Variants in MYO9A observed in about 807,000 individuals in gnomAD.
The protein encoded by MYO9A is myosin IXA, also known as unconventional myosin-IXa.
A neutral mutation model predicts 293.3 loss-of-function variants in MYO9A; 103 were observed. The ratio of observed to expected loss-of-function variants is 0.35; its 90% confidence interval spans 0.30 to 0.41. The LOEUF (loss-of-function observed/expected upper bound fraction) is 0.41. Among genes scored for constraint, MYO9A ranks in the 10% least tolerant of loss-of-function variants. The pLI, the probability that MYO9A is intolerant of heterozygous loss-of-function variation, is 1.00. For synonymous variants in MYO9A, 1,001 were observed against 1,035.7 expected, an observed-to-expected ratio of 0.97 and a Z score of 0.64; for missense variants, 2,685 against 3,033.0, an observed-to-expected ratio of 0.89 and a Z score of 2.69.
chr15:71,914,613 C>T (rs1329009549), intron 19 of MYO9A, among the ~76,000 whole-genome samples: 1 of 152,160 alleles, frequency 6.6e-6, no homozygotes, highest in African/African-American at 2.4e-5. Flanking sequence ...GCCTGGAAAA[C>T]ATACCATACA....
chr15:71,874,136 T>G (rs2056607061), intron 32 of MYO9A, among the ~76,000 whole-genome samples: 1 of 152,140 alleles, frequency 6.6e-6, no homozygotes, highest in African/African-American at 2.4e-5. Flanking sequence ...AGGCAAATAA[T>G]CTATAAAACA....
At chr15:71,835,649 T>C (rs2054910351) in intron 39 of MYO9A, among the ~76,000 whole-genome samples, 1 of 152,088 alleles carries the variant, frequency 6.6e-6, no homozygotes, top group African/African-American at 2.4e-5. Flanking sequence ...AAGAGATATA[T>C]CATGTTCACA....
chr15:71,911,054 C>T (rs1347995758), intron 19 of MYO9A, among the ~76,000 whole-genome samples: 1 of 152,184 alleles, frequency 6.6e-6, no homozygotes, highest in African/African-American at 2.4e-5. Flanking sequence ...CCCCAAAAAA[C>T]TCCCTCCTGC....
rs1163228235 is a variant in MYO9A at position 72,094,384 on chromosome 15, G to T, written c.-72+23296C>A. On this transcript the variant is annotated intron_variant, in intron 1 of 41. Coordinates refer to ENST00000356056, the MANE Select transcript of MYO9A (RefSeq NM_006901.4). Reference sequence around the variant, plus strand: ...GATAGTGATTTTTTAACAAATTAAAGGTTTGTGGCAACCCTGTGTCAAGTA... The same window carrying T: ...GATAGTGATTTTTTAACAAATTAAATGTTTGTGGCAACCCTGTGTCAAGTA... Among the ~76,000 whole-genome samples the T allele has an allele frequency of 2.3e-5, 2 of 86,704 alleles. 1 individual carries two copies. Among genetic ancestry groups the T allele is most frequent in the African/African-American group, 5.5e-5 (2 of 36,604 alleles). The allele number at this position is 86,704 out of a possible 152,430, so 56.9% of individuals were successfully genotyped here.
At chr15:71,914,965 T>C (rs906884834) in intron 19 of MYO9A, among the ~76,000 whole-genome samples, 11 of 152,160 alleles carry the variant, frequency 7.2e-5, no homozygotes, top group African/African-American at 2.7e-4. Context: ...TAATTCTACC[T>C]TTCATAATCA....
chr15:72,018,270 C>A (rs1375613435), intron 6 of MYO9A, among the ~76,000 whole-genome samples: 1 of 151,894 alleles, frequency 6.6e-6, no homozygotes, highest in Admixed American at 6.6e-5. Context: ...GAGTTCAAGA[C>A]CAGCCTGGAC....
intron 1 of MYO9A, among the ~76,000 whole-genome samples, chr15:72,069,608 T>C (rs1348212116): frequency 2.6e-5 from 4 of 152,158 alleles, no homozygotes. Flanking sequence ...TATCAGGTTA[T>C]GGAAGCAGAC....
chr15:72,026,740 T>C (rs1355732294), intron 4 of MYO9A, among the ~76,000 whole-genome samples: 1 of 152,114 alleles, frequency 6.6e-6, no homozygotes, highest in Non-Finnish European at 1.5e-5. Flanking sequence ...GAGAATCAAA[T>C]TCAGGAGTGA....
At chr15:71,874,447 A>G (rs2056618702) in intron 32 of MYO9A, among the ~76,000 whole-genome samples, 1 of 152,182 alleles carries the variant, frequency 6.6e-6, no homozygotes, top group Non-Finnish European at 1.5e-5. Context: ...GTAGGAGGAA[A>G]TGAAGCTTAG....
intron 3 of MYO9A, among the ~76,000 whole-genome samples, chr15:72,030,925 C>A (rs1174212832): frequency 6.6e-6 from 1 of 152,148 alleles, no homozygotes; most frequent in Non-Finnish European, 1.5e-5. Context: ...CGGTCCATGA[C>A]CTGTTAGGAA....
chr15:72,004,192 T>C (rs1345644422), intron 8 of MYO9A, among the ~76,000 whole-genome samples: 2 of 152,220 alleles, frequency 1.3e-5, no homozygotes, highest in African/African-American at 4.8e-5. Flanking sequence ...ACAGAACAAG[T>C]AGCAATGGGT....
At chr15:71,997,226 A>G (rs1382642277) in intron 9 of MYO9A, among the ~76,000 whole-genome samples, 1 of 152,158 alleles carries the variant, frequency 6.6e-6, no homozygotes, top group Non-Finnish European at 1.5e-5. Flanking sequence ...TAAAATACTA[A>G]AACTGTTTAG....
At chr15:71,844,040 T>C (rs1009299832) in intron 39 of MYO9A, among the ~76,000 whole-genome samples, 2 of 152,234 alleles carry the variant, frequency 1.3e-5, no homozygotes, top group African/African-American at 2.4e-5. Flanking sequence ...CAATTATATA[T>C]ACAAGTTTAT....
chr15:72,082,765 T>C (rs2079588900), intron 1 of MYO9A, among the ~76,000 whole-genome samples: 1 of 151,912 alleles, frequency 6.6e-6, no homozygotes, highest in Non-Finnish European at 1.5e-5. Context: ...TCAAAATTCT[T>C]TTCTGCATCT....
intron 1 of MYO9A, among the ~76,000 whole-genome samples, chr15:72,097,168 C>CA (rs764062345): frequency 1.2e-3 from 177 of 152,194 alleles, no homozygotes; most frequent in Non-Finnish European, 1.6e-3. Flanking sequence ...AAAATGCTAT[C>CA]AAATGGCACT....
chr15:71,961,611 C>T (rs1485127115), intron 13 of MYO9A, among the ~76,000 whole-genome samples: 2 of 152,158 alleles, frequency 1.3e-5, no homozygotes, highest in African/African-American at 4.8e-5. Context: ...TATCTTGGCT[C>T]CTATCACACA....
chr15:71,879,848 C>T lies in MYO9A; in HGVS notation c.5623-11G>A. 6.4e-7 allele frequency: 1 copy of T among 1,555,586 alleles called. No homozygotes were observed. Among genetic ancestry groups the T allele is most frequent in the Middle Eastern group, 1.7e-4 (1 of 5,918 alleles). Reference sequence around the variant, plus strand: ...ATCTAGGTCATTCACCTGGGAACCACAAAACGAGTTTTAGTACACAATCAA... The same window carrying T: ...ATCTAGGTCATTCACCTGGGAACCATAAAACGAGTTTTAGTACACAATCAA... On this transcript the variant is annotated splice_polypyrimidine_tract_variant and intron_variant, in intron 29 of 41. Transcript: ENST00000356056.
At position 72,046,274 on chromosome 15, in the gene MYO9A, C is replaced by G; in HGVS notation, c.290G>C (p.Arg97Pro). 6.2e-7 allele frequency: 1 copy of G among 1,613,976 alleles called. No individual in the cohort carries two copies. Among genetic ancestry groups the G allele is most frequent in the Non-Finnish European group, 8.5e-7 (1 of 1,179,874 alleles). Residue 97 changes from arginine (R) to proline (P), a missense_variant, in exon 2 of 42, where the codon CGC becomes CCC. Transcript: ENST00000356056. Reference protein sequence around the residue: ...MLWPRMALENRLSGEDYRFLL... With the variant: ...MLWPRMALENPLSGEDYRFLL... Reference sequence around the variant, plus strand: ...GAAGCGGTAGTCCTCTCCACTTAAGCGATTTTCCAGAGCCATTCGGGGCCA... The same window carrying G: ...GAAGCGGTAGTCCTCTCCACTTAAGGGATTTTCCAGAGCCATTCGGGGCCA...
intron 17 of MYO9A, 146 bp downstream of exon 17, chr15:71,935,195 A>G (rs1373089791): frequency 2.3e-6 from 2 of 878,436 alleles, no homozygotes; most frequent in Non-Finnish European, 3.3e-6. Flanking sequence ...CGCTACCTAA[A>G]TAACTTTGAG....
Sources: allele counts gnomAD v4.1 joint callset (sites outside exome capture counted in the v4.1 genomes callset), GRCh38; gene constraint gnomAD v4.1.1; transcripts MANE v1.5; gene names NCBI Gene and HGNC (gene_info 2026-07-23, HGNC 2026-07-21).